RFTN1: variants seen among roughly 807,000 people sequenced by gnomAD.
RFTN1 encodes raftlin, lipid raft linker 1.
RFTN1 carries 26 observed loss-of-function variants against 46.5 expected under a neutral mutation model. The ratio of observed to expected loss-of-function variants is 0.56; its 90% confidence interval spans 0.41 to 0.78. The LOEUF is 0.78. RFTN1 is among the 30% of genes least tolerant of loss of function. The probability of loss-of-function intolerance (pLI) is 0.00; values close to 1 mark genes in which losing one functional copy is unlikely to be tolerated. For synonymous variants in RFTN1, 261 were observed against 284.2 expected (o/e 0.92, Z 0.82); for missense variants, 693 against 718.7 (o/e 0.96, Z 0.41).
At chr3:16,357,133 A>AAAC (rs2072499434) in intron 7 of RFTN1, among the ~76,000 whole-genome samples, 3 of 139,480 alleles carry the variant, frequency 2.2e-5, no homozygotes, top group African/African-American at 9.0e-5. Context: ...AAAAAACAAA[A>AAAC]AAACAAACAA....
chr3:16,478,076 C>T (rs955736983), intron 2 of RFTN1, among the ~76,000 whole-genome samples: 2 of 152,160 alleles, frequency 1.3e-5, no homozygotes, highest in African/African-American at 2.4e-5. Flanking sequence ...AAAGGACCAT[C>T]GCTCCCATCT....
intron 6 of RFTN1, among the ~76,000 whole-genome samples, chr3:16,358,859 C>CT (rs753688624): frequency 9.9e-5 from 15 of 151,854 alleles, no homozygotes; most frequent in Non-Finnish European, 1.6e-4. Flanking sequence ...CAATGAAACT[C>CT]TATCTATACT....
chr3:16,468,577 T>G lies in RFTN1; in HGVS notation c.145+25148A>C, dbSNP rs566913638. Among the ~76,000 whole-genome samples the G allele has an allele frequency of 2.7e-5, 4 of 148,734 alleles. No individual in the cohort carries two copies. The highest frequency in any genetic ancestry group is 6.8e-5 in the Admixed American group (1 of 14,738). On this transcript the variant is annotated intron_variant, in intron 2 of 9. Coordinates refer to ENST00000334133, the MANE Select transcript of RFTN1 (RefSeq NM_015150.2). This position sits in a 1 kb window ranked among gnomAD's most constrained non-coding sequence, Gnocchi z 4.4. ...GCATAAATCAGCCCAAATAGAGTGA[T>G]GGAGTAGCGGGGAGAGGCTGACGCA...
rs2074023954 is a variant in RFTN1, at chr3:16,382,444, A to G, written c.442-4342T>C. On this transcript the variant is annotated intron_variant, in intron 4 of 9. Coordinates refer to ENST00000334133, the MANE Select transcript of RFTN1 (RefSeq NM_015150.2). The surrounding 1 kb of genome is among the most constrained non-coding windows in gnomAD (Gnocchi z 4.7). ...ATAACCTTTACTGAGCCAGTCTCAC[A>G]TTCATCATGGTGGTGGGCATGCGAT... Among the ~76,000 whole-genome samples the G allele has an allele frequency of 6.6e-6, 1 of 152,184 alleles. No homozygotes were observed. Among genetic ancestry groups the G allele is most frequent in the South Asian group, 2.1e-4 (1 of 4,828 alleles).
chr3:16,434,536 C>T lies in RFTN1; in HGVS notation c.146-499G>A, dbSNP rs548344579. Among the ~76,000 whole-genome samples, 25 of 151,918 alleles carry T rather than the reference C, an allele frequency of 1.6e-4. No individual in the cohort carries two copies. The South Asian group carries it at 5.0e-3, about 31-fold the overall frequency. On this transcript the variant is annotated intron_variant, in intron 2 of 9. Transcript: ENST00000334133. The stretch of plus-strand genomic sequence containing the variant: ...GGCCACTGCACTCTAGCCTGGGCAA[C>T]AGAGCAAGCCACTGTCTCAAAAATG...
At chr3:16,492,504 T>A (rs1042727931) in intron 2 of RFTN1, among the ~76,000 whole-genome samples, 2 of 152,210 alleles carry the variant, frequency 1.3e-5, no homozygotes, top group African/African-American at 4.8e-5. Context: ...GCTCAGTGAT[T>A]TACCCAGTTG....
In RFTN1 at chr3:16,402,158, C is replaced by T. The variant is rs1034890280; in HGVS notation, c.441+7217G>A. ...TGTGTTCTTGGTCCTTACAGATGAC[C>T]CCATCTCACACCTGAGTCACCCAGG... On this transcript the variant is annotated intron_variant, in intron 4 of 9. Transcript: ENST00000334133. This position sits in a 1 kb window ranked among gnomAD's most constrained non-coding sequence, Gnocchi z 4.5. Among the ~76,000 whole-genome samples the T allele has an allele frequency of 6.6e-6, 1 of 152,218 alleles. No homozygotes were observed. Among genetic ancestry groups the T allele is most frequent in the African/African-American group, 2.4e-5 (1 of 41,452 alleles).
Position 16,348,991 on chromosome 3 carries a change from C to T in RFTN1, c.1146+8941G>A, listed in dbSNP as rs375789297. Among the ~76,000 whole-genome samples, 11 of 152,218 alleles carry T rather than the reference C, an allele frequency of 7.2e-5. No homozygotes were observed. Among genetic ancestry groups the T allele is most frequent in the African/African-American group, 2.4e-4 (10 of 41,468 alleles). ...AAGAGGGACAGACAGCCATCCCAGG[C>T]TCCACTATCCAAGGACAGGGTCAAA... is the stretch of plus-strand genomic sequence containing the variant. On this transcript the variant is annotated intron_variant, in intron 7 of 9. Transcript: ENST00000334133. The surrounding 1 kb of genome is among the most constrained non-coding windows in gnomAD (Gnocchi z 6.3).
At position 16,345,817 on chromosome 3, in the gene RFTN1, T is replaced by TGTGTGTGTGC. The variant is rs1160939614; in HGVS notation, c.1146+12114_1146+12115insGCACACACAC. ...GTGTGTGTGTGTGTGTGTGTGTGTG[T>TGTGTGTGTGC]GCGCGCGCGCGTGCGCGCACGCGCA... On this transcript the variant is annotated intron_variant, in intron 7 of 9. Transcript: ENST00000334133. This position sits in a 1 kb window ranked among gnomAD's most constrained non-coding sequence, Gnocchi z 5.2. Among the ~76,000 whole-genome samples, 99 of 74,606 alleles carry TGTGTGTGTGC rather than the reference T, an allele frequency of 1.3e-3. No homozygotes were observed. The highest frequency in any genetic ancestry group is 4.8e-3 in the African/African-American group (88 of 18,170). 48.9% of individuals were successfully genotyped at this position (74,606 alleles called of 152,430 possible).
chr3:16,467,884 C>G (rs1452898229), intron 2 of RFTN1, among the ~76,000 whole-genome samples: 1 of 152,082 alleles, frequency 6.6e-6, no homozygotes, highest in Non-Finnish European at 1.5e-5. Context: ...GAGCTTCATC[C>G]CTCACCCCAC....
intron 2 of RFTN1, among the ~76,000 whole-genome samples, chr3:16,488,657 G>A (rs575980948): frequency 5.3e-5 from 8 of 152,182 alleles, no homozygotes; most frequent in South Asian, 2.1e-4. Flanking sequence ...TATTTGTGTC[G>A]CATCTTGCAG....
In RFTN1 at chr3:16,481,866, G is replaced by C. The variant is rs963950213; in HGVS notation, c.145+11859C>G. Among the ~76,000 whole-genome samples the C allele has an allele frequency of 9.2e-5, 14 of 152,162 alleles. No individual in the cohort carries two copies. Among genetic ancestry groups the C allele is most frequent in the African/African-American group, 3.4e-4 (14 of 41,430 alleles). The stretch of plus-strand genomic sequence containing the variant: ...ATATACTATTTTCAGCAAAGGAGGA[G>C]TCTATATTCAGCACAGGAAAAGTCC... On this transcript the variant is annotated intron_variant, in intron 2 of 9. Coordinates refer to ENST00000334133, the MANE Select transcript of RFTN1 (RefSeq NM_015150.2). This position sits in a 1 kb window ranked among gnomAD's most constrained non-coding sequence, Gnocchi z 5.1.
At chr3:16,399,561 C>A (rs906755999) in intron 4 of RFTN1, among the ~76,000 whole-genome samples, 1 of 152,196 alleles carries the variant, frequency 6.6e-6, no homozygotes, top group Admixed American at 6.5e-5. Context: ...TCACACTGAC[C>A]TCTCTGGCTA....
chr3:16,455,749 A>T (rs1045250346), intron 2 of RFTN1, among the ~76,000 whole-genome samples: 1 of 152,224 alleles, frequency 6.6e-6, no homozygotes, highest in South Asian at 2.1e-4. Flanking sequence ...AGTCAAAATA[A>T]TCTAATCATG....
Position 16,353,043 on chromosome 3 carries a change from G to T in RFTN1, c.1146+4889C>A, listed in dbSNP as rs1197691978. The stretch of plus-strand genomic sequence containing the variant: ...ACAGAGCTGAGGGATCAGCACAGGA[G>T]GAGGAAAGAGGCAGGAAAGGGACAG... On this transcript the variant is annotated intron_variant, in intron 7 of 9. Coordinates refer to ENST00000334133, the MANE Select transcript of RFTN1 (RefSeq NM_015150.2). This position sits in a 1 kb window ranked among gnomAD's most constrained non-coding sequence, Gnocchi z 5.4. 6.6e-6 allele frequency among the ~76,000 whole-genome samples: 1 copy of T among 152,178 alleles called. No homozygotes were observed. The highest frequency in any genetic ancestry group is 6.5e-5 in the Admixed American group (1 of 15,276).
At chr3:16,362,930 T>C (rs2072921792) in intron 6 of RFTN1, among the ~76,000 whole-genome samples, 1 of 152,106 alleles carries the variant, frequency 6.6e-6, no homozygotes, top group African/African-American at 2.4e-5. Context: ...GGAAGGGGGC[T>C]GTGTAGTCCG....
intron 2 of RFTN1, among the ~76,000 whole-genome samples, chr3:16,478,779 A>G (rs747849413): frequency 1.6e-4 from 25 of 152,336 alleles, no homozygotes; most frequent in Non-Finnish European, 3.2e-4. Flanking sequence ...TAGGGCCCCA[A>G]TTCCTCACTG....
At position 16,402,845 on chromosome 3, in the gene RFTN1, G is replaced by C. The variant is rs563581804; in HGVS notation, c.441+6530C>G. 1.3e-5 allele frequency among the ~76,000 whole-genome samples: 2 copies of C among 152,246 alleles called. No individual in the cohort carries two copies. Among genetic ancestry groups the C allele is most frequent in the South Asian group, 2.1e-4 (1 of 4,828 alleles). ...TGAGTGGGACCAGCCGCCCCTCAACGGTCTTCATTGCAAAGGCTCAGTGGG... is the reference window on the plus strand; with the variant it reads ...TGAGTGGGACCAGCCGCCCCTCAACCGTCTTCATTGCAAAGGCTCAGTGGG... On this transcript the variant is annotated intron_variant, in intron 4 of 9. Transcript: ENST00000334133. This position sits in a 1 kb window ranked among gnomAD's most constrained non-coding sequence, Gnocchi z 4.5.
At chr3:16,367,394 C>CA (rs1357744174) in intron 6 of RFTN1, among the ~76,000 whole-genome samples, 1 of 152,216 alleles carries the variant, frequency 6.6e-6, no homozygotes, top group Non-Finnish European at 1.5e-5. Context: ...GCATTACTCC[C>CA]AGTCATACTC....
Sources: gnomAD v4.1 joint callset for allele counts (sites outside exome capture counted in the v4.1 genomes callset) on GRCh38, gnomAD v4.1.1 for gene constraint, Gnocchi (gnomAD v3.1) non-coding constraint, MANE v1.5 for transcripts, NCBI Gene and HGNC (gene_info 2026-07-23, HGNC 2026-07-21) for gene names.